The following SMYD3 variants were observed in gnomAD, a reference collection of about 807,000 sequenced individuals.
The protein encoded by SMYD3 is SET and MYND domain containing 3.
In SMYD3, 36 loss-of-function variants were observed where a neutral mutation model predicts 57.7. The ratio of observed to expected loss-of-function variants is 0.62; its 90% confidence interval spans 0.48 to 0.82. The LOEUF is 0.82. Among genes scored for constraint, SMYD3 ranks in the 40% least tolerant of loss-of-function variants. SMYD3 has a pLI of 0.00. For missense variants in SMYD3, 515 were observed against 538.8 expected (o/e 0.96, Z 0.44); for synonymous variants, 211 against 195.0 (o/e 1.08, Z -0.68).
chr1:246,315,196 A>T (rs1270334824), intron 5 of SMYD3, among the ~76,000 whole-genome samples: 3 of 152,232 alleles, frequency 2.0e-5, no homozygotes, highest in Non-Finnish European at 4.4e-5. Context: ...TATTTTGCTT[A>T]AGGAAGAAAA....
chr1:245,994,579 G>T (rs1572860424), intron 5 of SMYD3, among the ~76,000 whole-genome samples: 1 of 152,228 alleles, frequency 6.6e-6, no homozygotes, highest in South Asian at 2.1e-4. Context: ...CACCACTCTG[G>T]TCATCTCCCA....
chr1:246,357,273 A>G (rs1361160084), intron 1 of SMYD3, among the ~76,000 whole-genome samples: 1 of 152,174 alleles, frequency 6.6e-6, no homozygotes, highest in East Asian at 1.9e-4. Flanking sequence ...GGTTGCAGTA[A>G]GGAAGCCTGC....
chr1:245,981,018 G>A (rs2058582642), intron 5 of SMYD3, among the ~76,000 whole-genome samples: 1 of 152,150 alleles, frequency 6.6e-6, no homozygotes, highest in African/African-American at 2.4e-5. Context: ...TTCACTATCT[G>A]ACCCTTTAGA....
intron 5 of SMYD3, among the ~76,000 whole-genome samples, chr1:245,936,925 G>A (rs1315537896): frequency 2.0e-5 from 3 of 152,132 alleles, no homozygotes; most frequent in South Asian, 4.1e-4. Flanking sequence ...GCGATATCAC[G>A]TGATAAAGGA....
intron 10 of SMYD3, among the ~76,000 whole-genome samples, chr1:245,772,916 T>C (rs916595363): frequency 8.5e-5 from 13 of 152,118 alleles, no homozygotes; most frequent in African/African-American, 3.1e-4. Context: ...TGAATGACTA[T>C]TTCACAACTA....
intron 5 of SMYD3, among the ~76,000 whole-genome samples, chr1:245,956,266 A>G (rs1291948862): frequency 1.3e-5 from 2 of 152,192 alleles, no homozygotes; most frequent in African/African-American, 2.4e-5. Context: ...GGCACATAGT[A>G]TACTCTCTAC....
In SMYD3 at chr1:245,776,585, ACTTT is replaced by A. The variant is rs1165666198; in HGVS notation, c.1077-12440_1077-12437del. On this transcript the variant is annotated intron_variant, in intron 10 of 11. Transcript: ENST00000490107. Reference sequence around the variant, plus strand: ...CATAGATTTCAGTAGTGTTACTGGTACTTTATTGAAATCAATCACTACAGATGCC... The same window carrying A: ...CATAGATTTCAGTAGTGTTACTGGTAATTGAAATCAATCACTACAGATGCC... 4.6e-5 allele frequency among the ~76,000 whole-genome samples: 7 copies of A among 152,200 alleles called. No homozygotes were observed. In the East Asian group the frequency reaches 1.3e-3, roughly 29 times the overall value.
chr1:246,462,388 G>A (rs974375043), intron 1 of SMYD3, among the ~76,000 whole-genome samples: 22 of 152,132 alleles, frequency 1.4e-4, no homozygotes, highest in Non-Finnish European at 2.2e-4. Context: ...AGTGATCAGC[G>A]GTACCCCCAT....
intron 5 of SMYD3, among the ~76,000 whole-genome samples, chr1:245,994,343 G>C (rs890109869): frequency 6.6e-6 from 1 of 152,154 alleles, no homozygotes; most frequent in African/African-American, 2.4e-5. Context: ...AGATTGGCCC[G>C]ACAAAATGAA....
rs1311609589 is a variant in SMYD3 at position 246,414,717 on chromosome 1, GTT to G, written c.165-59625_165-59624del. Among the ~76,000 whole-genome samples, 10 of 123,336 alleles carry G rather than the reference GTT, an allele frequency of 8.1e-5. No individual in the cohort carries two copies. In the East Asian group the frequency reaches 1.2e-3, roughly 14 times the overall value. The allele number at this position is 123,336 out of a possible 152,430, so 80.9% of individuals were successfully genotyped here. A position where few individuals can be genotyped will look rare whatever the true frequency, so the allele number is the denominator to read the frequency against. On this transcript the variant is annotated intron_variant, in intron 1 of 11. Transcript: ENST00000490107. Reference sequence around the variant, plus strand: ...GAAGCCAGTTTTGGTTTTTTTGCTGGTTTTTTTTTTTTTTTTTTGAGATAGAG... The same window carrying G: ...GAAGCCAGTTTTGGTTTTTTTGCTGGTTTTTTTTTTTTTTTTGAGATAGAG...
intron 10 of SMYD3, among the ~76,000 whole-genome samples, chr1:245,806,916 CAAAAAAAAAAAAAAAAA>C (rs112012738): frequency 6.8e-4 from 28 of 41,338 alleles, no homozygotes; most frequent in African/African-American, 2.3e-3. Context: ...GACTCCGTCT[CAAAAAAAAAAAAAAAAA>C]AAAAAAAAAA....
chr1:245,892,699 A>G (rs983918271), intron 8 of SMYD3, among the ~76,000 whole-genome samples: 4 of 152,234 alleles, frequency 2.6e-5, no homozygotes, highest in South Asian at 2.1e-4. Context: ...TCCATATACA[A>G]AAAAGAACAT....
intron 5 of SMYD3, among the ~76,000 whole-genome samples, chr1:245,985,545 T>C (rs1419567472): frequency 1.3e-5 from 2 of 152,164 alleles, no homozygotes; most frequent in African/African-American, 4.8e-5. Context: ...CAATCACAGT[T>C]CAGAGGTGGG....
At chr1:246,147,535 C>T (rs755586278) in intron 5 of SMYD3, among the ~76,000 whole-genome samples, 62 of 152,188 alleles carry the variant, frequency 4.1e-4, no homozygotes, top group Middle Eastern at 3.4e-3. Flanking sequence ...GAGCCTCACC[C>T]ATTCTGGGTT....
intron 10 of SMYD3, among the ~76,000 whole-genome samples, chr1:245,842,864 C>T (rs1048607547): frequency 6.6e-6 from 1 of 152,080 alleles, no homozygotes; most frequent in African/African-American, 2.4e-5. Flanking sequence ...GTGCACCCTA[C>T]CATGCCCAGC....
chr1:246,035,682 T>C (rs578249003), intron 5 of SMYD3: 1 of 152,338 alleles, frequency 6.6e-6, no homozygotes, highest in South Asian at 2.1e-4. Context: ...CTTTGCCTAT[T>C]TTCCTGCTGC....
At chr1:246,242,525 A>G (rs1251113501) in intron 5 of SMYD3, among the ~76,000 whole-genome samples, 5 of 152,144 alleles carry the variant, frequency 3.3e-5, no homozygotes, top group Admixed American at 1.3e-4. Context: ...GATGCTAGGA[A>G]GAAACTGCAT....
At chr1:246,507,000 C>CCCACCACCCCACACAG in intron 1 of SMYD3, 54 bp downstream of exon 1, 1 of 1,139,168 alleles carries the variant, frequency 8.8e-7, no homozygotes, top group Non-Finnish European at 1.2e-6. Flanking sequence ...CCCCCCCCTC[C>CCCACCACCCCACACAG]CCAGCACCCC....
chr1:246,036,539 C>CTTTTTTTTTTTTTTTTTT (rs59062672), intron 5 of SMYD3, among the ~76,000 whole-genome samples: 6 of 144,958 alleles, frequency 4.1e-5, no homozygotes, highest in South Asian at 2.2e-4. Flanking sequence ...TTCTTTCTCT[C>CTTTTTTTTTTTTTTTTTT]TTTTTTTTTT....
Sources: gnomAD v4.1 joint callset for allele counts (sites outside exome capture counted in the v4.1 genomes callset) on GRCh38, gnomAD v4.1.1 for gene constraint, MANE v1.5 for transcripts, NCBI Gene and HGNC (gene_info 2026-07-23, HGNC 2026-07-21) for gene names.